The following SPATS2L variants were observed in gnomAD, a reference collection of about 807,000 sequenced individuals.
SPATS2L encodes the protein spermatogenesis associated serine rich 2 like.
Under a neutral mutation model 59.6 loss-of-function variants are expected in SPATS2L, and 30 were observed. The ratio of observed to expected loss-of-function variants is 0.50; its 90% CI spans 0.38 to 0.68. The LOEUF is 0.68. SPATS2L is among the 30% of genes least tolerant of loss of function. The pLI, the probability that SPATS2L is intolerant of heterozygous loss-of-function variation, is 0.00. For missense variants in SPATS2L, 615 were observed against 700.0 expected (o/e 0.88, Z 1.37); for synonymous variants, 252 against 263.5 (o/e 0.96, Z 0.42).
At chr2:200,306,486 G>A, upstream of SPATS2L, 1 of 1,002,330 alleles carries the variant, frequency 1.0e-6, no homozygotes. Flanking sequence ...GGCGTGTGGA[G>A]GGACGAGATC....
Position 200,469,966 on chromosome 2 carries a change from T to A in SPATS2L, c.1010T>A (p.Phe337Tyr). 1.9e-6 allele frequency: 3 copies of A among 1,612,532 alleles called. No homozygotes were observed. Among genetic ancestry groups the A allele is most frequent in the Non-Finnish European group, 2.5e-6 (3 of 1,179,300 alleles). Residue 337 changes from phenylalanine to tyrosine, a missense_variant, in exon 11 of 13, where the codon TTT becomes TAT. Coordinates refer to ENST00000409140, the MANE Select transcript of SPATS2L (RefSeq NM_001100423.2). The part of the protein sequence containing the change: ...YDEELGKAAR[F>Y]SCDIEQLKAQ... ...GAGGAGCTCGGGAAAGCTGCCCGGT[T>A]TTCCTGTGACATCGAACAGCTGAAG...
intron 3 of SPATS2L, among the ~76,000 whole-genome samples, chr2:200,394,791 A>G (rs1436333301): frequency 1.3e-5 from 2 of 152,240 alleles, no homozygotes; most frequent in African/African-American, 4.8e-5. Flanking sequence ...TGGGTTACTT[A>G]CGTTGACCAC....
intron 3 of SPATS2L, among the ~76,000 whole-genome samples, chr2:200,397,808 TG>T (rs1559097375): frequency 6.6e-6 from 1 of 151,476 alleles, no homozygotes; most frequent in Non-Finnish European, 1.5e-5. Flanking sequence ...AGAATGTCAG[TG>T]GGGGAAAAGA....
chr2:200,388,090 A>G (rs78168494), intron 2 of SPATS2L, among the ~76,000 whole-genome samples: 63 of 152,344 alleles, frequency 4.1e-4, no homozygotes, highest in Non-Finnish European at 6.8e-4. Context: ...AGATTATGAA[A>G]TTATGGACAA....
At chr2:200,427,761 T>C (rs956964197) in intron 6 of SPATS2L, among the ~76,000 whole-genome samples, 1 of 152,218 alleles carries the variant, frequency 6.6e-6, no homozygotes, top group Non-Finnish European at 1.5e-5. Context: ...TTTTGGTCTC[T>C]GTTCCAAAGT....
chr2:200,427,532 TA>T (rs1306384363), intron 6 of SPATS2L, among the ~76,000 whole-genome samples: 1 of 149,272 alleles, frequency 6.7e-6, no homozygotes, highest in African/African-American at 2.4e-5. Flanking sequence ...ACATATATAT[TA>T]AACCTATTAA....
chr2:200,363,013 A>G (rs1329078524), intron 2 of SPATS2L, among the ~76,000 whole-genome samples: 1 of 152,130 alleles, frequency 6.6e-6, no homozygotes, highest in East Asian at 1.9e-4. Flanking sequence ...TAAAACCAAG[A>G]TCGCATGCAT....
intron 5 of SPATS2L, among the ~76,000 whole-genome samples, chr2:200,416,647 G>A (rs1460147151): frequency 1.3e-5 from 2 of 152,130 alleles, no homozygotes; most frequent in Non-Finnish European, 2.9e-5. Context: ...TAACAACCAG[G>A]TGTGCTTAAG....
chr2:200,311,224 T>C lies in SPATS2L; in HGVS notation c.-73+4302T>C, dbSNP rs749931800. On this transcript the variant is annotated intron_variant, in intron 1 of 12. Transcript: ENST00000409140. Reference sequence around the variant, plus strand: ...AAATATTTGTTAACTTAGAAATTCATGTTGACATTGGATAAAAGGGACAGG... The same window carrying C: ...AAATATTTGTTAACTTAGAAATTCACGTTGACATTGGATAAAAGGGACAGG... Among the ~76,000 whole-genome samples the C allele has an allele frequency of 8.7e-4, 132 of 152,240 alleles. 4 individuals are homozygous for C. Among genetic ancestry groups the C allele is most frequent in the Non-Finnish European group, 2.4e-4 (16 of 68,042 alleles).
At chr2:200,369,449 G>C (rs115470889) in intron 2 of SPATS2L, among the ~76,000 whole-genome samples, 5 of 152,052 alleles carry the variant, frequency 3.3e-5, no homozygotes, top group Non-Finnish European at 5.9e-5. Context: ...ATGAGCCACC[G>C]TGAGGCAGGG....
intron 2 of SPATS2L, among the ~76,000 whole-genome samples, chr2:200,347,026 A>C (rs1328592027): frequency 6.6e-6 from 1 of 152,208 alleles, no homozygotes; most frequent in African/African-American, 2.4e-5. Context: ...GTTCTTGCCT[A>C]ATGAAAGATT....
At chr2:200,455,294 A>G (rs2106169328) in intron 8 of SPATS2L, among the ~76,000 whole-genome samples, 1 of 152,344 alleles carries the variant, frequency 6.6e-6, no homozygotes, top group South Asian at 2.1e-4. Flanking sequence ...AGAGCTCTCT[A>G]AGGAAGTGAC....
chr2:200,481,218 A>C lies in SPATS2L; in HGVS notation c.*3187A>C, dbSNP rs139876147. ...ACACAACATGTCCAATTTAAAGCTC[A>C]GTTCACAAGCAGTTCAATTCTGCTG... On this transcript the variant is annotated 3_prime_UTR_variant, in exon 13 of 13. Transcript: ENST00000409140. The C allele has an allele frequency of 6.6e-5, 10 of 152,360 alleles. No homozygotes were observed. Among genetic ancestry groups the C allele is most frequent in the African/African-American group, 2.4e-4 (10 of 41,596 alleles). The allele number at this position is 152,360 out of a possible 1,614,324, so 9.4% of individuals were successfully genotyped here. A position where few individuals can be genotyped will look rare whatever the true frequency, so the allele number is the denominator to read the frequency against.
chr2:200,465,759 G>A (rs1352182844), intron 9 of SPATS2L, among the ~76,000 whole-genome samples: 1 of 152,228 alleles, frequency 6.6e-6, no homozygotes, highest in African/African-American at 2.4e-5. Context: ...TTAGGGCCAG[G>A]TGATGGCTCA....
intron 6 of SPATS2L, among the ~76,000 whole-genome samples, chr2:200,436,625 T>C (rs2084313887): frequency 6.6e-6 from 1 of 152,238 alleles, no homozygotes; most frequent in East Asian, 1.9e-4. Flanking sequence ...CCTATGCTCA[T>C]TTGCATGCTT....
intron 8 of SPATS2L, among the ~76,000 whole-genome samples, chr2:200,443,256 G>T (rs1175831831): frequency 6.6e-6 from 1 of 152,172 alleles, no homozygotes; most frequent in Non-Finnish European, 1.5e-5. Context: ...GAATTTTAGG[G>T]ATTATGGTGC....
chr2:200,383,378 G>T (rs1271031364), intron 2 of SPATS2L, among the ~76,000 whole-genome samples: 3 of 152,174 alleles, frequency 2.0e-5, no homozygotes, highest in Non-Finnish European at 4.4e-5. Context: ...GATATAAAAA[G>T]TATTAATGAG....
chr2:200,449,639 C>G (rs1420774075), intron 8 of SPATS2L, among the ~76,000 whole-genome samples: 2 of 152,188 alleles, frequency 1.3e-5, no homozygotes, highest in Non-Finnish European at 2.9e-5. Flanking sequence ...ATTGTTCTAT[C>G]TACACATTCC....
At chr2:200,450,830 TG>T (rs1002568283) in intron 8 of SPATS2L, among the ~76,000 whole-genome samples, 36 of 152,100 alleles carry the variant, frequency 2.4e-4, no homozygotes, top group Admixed American at 2.2e-3. Flanking sequence ...GGAATGGAGC[TG>T]GGGGGAGGAA....
Sources: gnomAD v4.1 joint callset for allele counts (sites outside exome capture counted in the v4.1 genomes callset) on GRCh38, gnomAD v4.1.1 for gene constraint, MANE v1.5 for transcripts, NCBI Gene and HGNC (gene_info 2026-07-23, HGNC 2026-07-21) for gene names.